Variants in GALNT14 observed in about 807,000 individuals in gnomAD.
The protein encoded by GALNT14 is polypeptide N-acetylgalactosaminyltransferase 14.
Under a neutral mutation model 77.5 loss-of-function variants are expected in GALNT14, and 60 were observed. The observed-to-expected ratio is 0.77, with a 90% CI of 0.63 to 0.96. The LOEUF (loss-of-function observed/expected upper bound fraction) is 0.96, where lower values mean the gene tolerates loss of function less well. Among genes scored for constraint, GALNT14 ranks in the 40% least tolerant of loss-of-function variants. The pLI is 0.00. For synonymous variants in GALNT14, 280 were observed against 281.7 expected (o/e 0.99, Z 0.06); for missense variants, 710 against 731.0 (o/e 0.97, Z 0.33).
chr2:30,969,125 A>T (rs562864595), intron 2 of GALNT14, among the ~76,000 whole-genome samples: 36 of 152,316 alleles, frequency 2.4e-4, no homozygotes, highest in African/African-American at 8.4e-4. Context: ...ACAGGAGGCA[A>T]CAAGTCACAG....
chr2:31,088,314 T>C (rs1031891438), intron 1 of GALNT14, among the ~76,000 whole-genome samples: 1 of 152,210 alleles, frequency 6.6e-6, no homozygotes, highest in Non-Finnish European at 1.5e-5. Context: ...GGGTAGATTA[T>C]TATTCAGCAA....
chr2:31,029,767 C>G (rs1042217402), intron 1 of GALNT14, among the ~76,000 whole-genome samples: 2 of 152,190 alleles, frequency 1.3e-5, no homozygotes, highest in African/African-American at 4.8e-5. Flanking sequence ...CACCCTACAC[C>G]ACCTTTAAAC....
chr2:30,903,562 G>C, the GALNT14 span, among the ~76,000 whole-genome samples: 2 of 152,210 alleles, frequency 1.3e-5, no homozygotes, highest in Non-Finnish European at 2.9e-5. Context: ...AACAGCCTGC[G>C]AGGAACCAAA....
At chr2:30,901,037 G>A in the GALNT14 span, among the ~76,000 whole-genome samples, 10 of 152,182 alleles carry the variant, frequency 6.6e-5, no homozygotes, top group Non-Finnish European at 1.2e-4. Context: ...TAGAGGTGGG[G>A]TCCAAATTCT....
chr2:31,129,044 C>T lies in GALNT14; in HGVS notation c.129+8914G>A, dbSNP rs1481835980. Among the ~76,000 whole-genome samples the T allele has an allele frequency of 3.3e-5, 5 of 151,790 alleles. No homozygotes were observed. The East Asian group carries it at 9.7e-4, about 29-fold the overall frequency. On this transcript the variant is annotated intron_variant, in intron 1 of 14. Coordinates refer to ENST00000349752, the MANE Select transcript of GALNT14 (RefSeq NM_024572.4). ...CATCTTTTCTCAGCAAGTGCACTAG[C>T]TTTTTGTCCATATGAAAACAAACAT... is the stretch of plus-strand genomic sequence containing the variant.
At chr2:30,953,834 G>A (rs1012653826) in intron 6 of GALNT14, among the ~76,000 whole-genome samples, 1 of 152,182 alleles carries the variant, frequency 6.6e-6, no homozygotes, top group African/African-American at 2.4e-5. Context: ...TTTACCGGTA[G>A]GAAGCAAGCT....
At chr2:30,964,182 C>T (rs1264287583) in intron 3 of GALNT14, among the ~76,000 whole-genome samples, 1 of 152,210 alleles carries the variant, frequency 6.6e-6, no homozygotes, top group African/African-American at 2.4e-5. Context: ...GGTGCTAACG[C>T]TGTTCTCATG....
At chr2:30,981,900 T>A (rs1458484643) in intron 2 of GALNT14, among the ~76,000 whole-genome samples, 3 of 152,164 alleles carry the variant, frequency 2.0e-5, no homozygotes, top group African/African-American at 7.2e-5. Flanking sequence ...GGCATGCACT[T>A]TCGCAGGCTC....
intron 1 of GALNT14, among the ~76,000 whole-genome samples, chr2:31,086,247 C>T (rs965302937): frequency 6.6e-5 from 10 of 152,218 alleles, no homozygotes; most frequent in Non-Finnish European, 1.2e-4. Flanking sequence ...GTTGCTAGCA[C>T]TCAACTTGCG....
intron 3 of GALNT14, among the ~76,000 whole-genome samples, chr2:30,959,074 T>A (rs1667535689): frequency 6.6e-6 from 1 of 152,154 alleles, no homozygotes; most frequent in South Asian, 2.1e-4. Context: ...TCTGAAGCTG[T>A]CCTGCTCATT....
intron 1 of GALNT14, among the ~76,000 whole-genome samples, chr2:31,043,266 G>C (rs1024293446): frequency 1.3e-5 from 2 of 152,112 alleles, no homozygotes; most frequent in African/African-American, 2.4e-5. Context: ...TCCTGCCTCA[G>C]TATTCCCCCA....
At position 30,944,865 on chromosome 2, in the gene GALNT14, G is replaced by T. The variant is rs1265519048; in HGVS notation, c.820C>A (p.Pro274Thr). The change falls in exon 8 of 15, where the codon CCC (proline) becomes ACC (threonine). Residue 274 changes from proline to threonine, a missense_variant. Pro to Thr is a conservative substitution (Grantham distance 38). Transcript: ENST00000349752. ...QKARRLDPTE[P>T]IRTPIIAGGL... ...CAGACTCTTCCCACTTACCTGATGG[G>T]CTCCGTGGGGTCCAGGCGCCGAGCC... 3.1e-6 allele frequency: 5 copies of T among 1,607,082 alleles called. No homozygotes were observed. The highest frequency in any genetic ancestry group is 2.2e-5 in the East Asian group (1 of 44,790).
chr2:30,943,334 T>C (rs1401729925), intron 8 of GALNT14, among the ~76,000 whole-genome samples: 1 of 152,178 alleles, frequency 6.6e-6, no homozygotes, highest in African/African-American at 2.4e-5. Flanking sequence ...AATCAGTGGC[T>C]GGATAGGTGG....
intron 1 of GALNT14, among the ~76,000 whole-genome samples, chr2:31,010,791 C>T (rs1404864565): frequency 1.3e-5 from 2 of 152,222 alleles, no homozygotes; most frequent in Non-Finnish European, 2.9e-5. Flanking sequence ...TATGTTCCAG[C>T]CACACTGGCC....
chr2:30,886,936 G>C, the GALNT14 span, among the ~76,000 whole-genome samples: 2 of 152,198 alleles, frequency 1.3e-5, no homozygotes, highest in Admixed American at 1.3e-4. Flanking sequence ...GCAACTGCCA[G>C]TTTGCCTTCT....
intron 3 of GALNT14, among the ~76,000 whole-genome samples, chr2:30,960,073 A>G (rs1667592082): frequency 6.6e-6 from 1 of 152,172 alleles, no homozygotes; most frequent in South Asian, 2.1e-4. Context: ...GATTCTCACC[A>G]TGGCAACTAG....
At chr2:31,051,514 AGAC>A (rs1214270307) in intron 1 of GALNT14, among the ~76,000 whole-genome samples, 1 of 152,148 alleles carries the variant, frequency 6.6e-6, no homozygotes, top group African/African-American at 2.4e-5. Context: ...CTCAAGCTCA[AGAC>A]TACACCAACT....
chr2:31,058,773 CA>C (rs990518776), intron 1 of GALNT14, among the ~76,000 whole-genome samples: 61 of 152,334 alleles, frequency 4.0e-4, no homozygotes, highest in African/African-American at 1.4e-3. Flanking sequence ...GGCCTTATTA[CA>C]CTACTTATTT....
chr2:30,996,560 CT>C (rs1670049430), intron 1 of GALNT14, among the ~76,000 whole-genome samples: 1 of 152,244 alleles, frequency 6.6e-6, no homozygotes, highest in Non-Finnish European at 1.5e-5. Context: ...CTCACCCCCC[CT>C]CTACTCTCTA....
Sources: allele counts gnomAD v4.1 joint callset (sites outside exome capture counted in the v4.1 genomes callset), GRCh38; gene constraint gnomAD v4.1.1; transcripts MANE v1.5; gene names NCBI Gene and HGNC (gene_info 2026-07-23, HGNC 2026-07-21).